Variants in SCAPER observed in about 807,000 individuals in gnomAD.
The protein encoded by SCAPER is S-phase cyclin A associated protein in the ER.
SCAPER carries 98 observed loss-of-function variants against 182.2 expected under a neutral mutation model. The observed-to-expected ratio is 0.54, with a 90% CI of 0.46 to 0.64. The LOEUF (loss-of-function observed/expected upper bound fraction) is 0.64, where lower values mean the gene tolerates loss of function less well. Among genes scored for constraint, SCAPER ranks in the 30% least tolerant of loss-of-function variants. The probability of loss-of-function intolerance (pLI) is 0.00; values close to 1 mark genes in which losing one functional copy is unlikely to be tolerated. For missense variants in SCAPER, 1,432 were observed against 1,690.0 expected, an observed-to-expected ratio of 0.85 and a Z score of 2.68; for synonymous variants, 605 against 564.6, an observed-to-expected ratio of 1.07 and a Z score of -1.01.
At chr15:76,446,885 A>G (rs1335338011) in intron 25 of SCAPER, among the ~76,000 whole-genome samples, 8 of 152,206 alleles carry the variant, frequency 5.3e-5, no homozygotes, top group Non-Finnish European at 1.2e-4. Flanking sequence ...CCATACTTCG[A>G]GTACCTATAC....
intron 23 of SCAPER, among the ~76,000 whole-genome samples, chr15:76,570,716 AC>A (rs1403525468): frequency 1.3e-5 from 2 of 152,096 alleles, no homozygotes; most frequent in Non-Finnish European, 2.9e-5. Context: ...CCCTATGGCT[AC>A]TTGTCCTTGT....
intron 24 of SCAPER, among the ~76,000 whole-genome samples, chr15:76,503,178 CTTTCT>C (rs2041294289): frequency 6.6e-6 from 1 of 152,130 alleles, no homozygotes; most frequent in African/African-American, 2.4e-5. Context: ...ATATCATTTC[CTTTCT>C]TATTTCAAAT....
chr15:76,698,970 C>G (rs279995), intron 20 of SCAPER, among the ~76,000 whole-genome samples: 148,751 of 152,308 alleles, frequency 0.98, 72,729 homozygotes, highest in South Asian at 1. Context: ...CATCTGTAGA[C>G]ATCTTTCACC....
chr15:76,717,227 C>T (rs571824026), intron 17 of SCAPER, among the ~76,000 whole-genome samples: 1 of 151,582 alleles, frequency 6.6e-6, no homozygotes, highest in South Asian at 2.1e-4. Flanking sequence ...ATAAAGTCTT[C>T]CCCAGACAAA....
At chr15:76,389,624 T>C (rs1434475111) in intron 27 of SCAPER, among the ~76,000 whole-genome samples, 1 of 147,586 alleles carries the variant, frequency 6.8e-6, no homozygotes, top group Middle Eastern at 3.6e-3. Flanking sequence ...CCATCCTGGC[T>C]AACACGGTGA....
chr15:76,404,453 C>A, intron 27 of SCAPER, 71 bp downstream of exon 27: 1 of 1,473,894 alleles, frequency 6.8e-7, no homozygotes, highest in South Asian at 1.4e-5. Context: ...TATGAAATGA[C>A]CCTAGAATGG....
At chr15:76,491,198 T>C (rs932523190) in intron 24 of SCAPER, among the ~76,000 whole-genome samples, 5 of 152,218 alleles carry the variant, frequency 3.3e-5, no homozygotes, top group Non-Finnish European at 7.3e-5. Context: ...GCCAGTACAA[T>C]ACTGTTTCAA....
chr15:76,489,904 T>C (rs1449222773), intron 24 of SCAPER, among the ~76,000 whole-genome samples: 2 of 152,182 alleles, frequency 1.3e-5, no homozygotes, highest in African/African-American at 4.8e-5. Flanking sequence ...TATTTGTCCT[T>C]GTGTGAATGG....
In SCAPER at chr15:76,773,369, T is replaced by C. The variant is rs141994413; in HGVS notation, c.1036-1415A>G. Reference sequence around the variant, plus strand: ...GTACAGATTATTCCTGAAATCTCAATAGCATATAGGTTTATTCACTACACA... The same window carrying C: ...GTACAGATTATTCCTGAAATCTCAACAGCATATAGGTTTATTCACTACACA... On this transcript the variant is annotated intron_variant, in intron 9 of 31. Transcript: ENST00000563290. Among the ~76,000 whole-genome samples the C allele has an allele frequency of 3.7e-4, 57 of 152,008 alleles. 1 individual carries two copies. Among genetic ancestry groups the C allele is most frequent in the African/African-American group, 1.3e-3 (56 of 41,556 alleles).
chr15:76,651,429 G>A (rs1344821942), intron 21 of SCAPER, among the ~76,000 whole-genome samples: 1 of 151,466 alleles, frequency 6.6e-6, no homozygotes, highest in East Asian at 1.9e-4. Flanking sequence ...TGATTGCTCT[G>A]GCTAGGACTT....
intron 26 of SCAPER, among the ~76,000 whole-genome samples, chr15:76,408,039 A>G (rs1263353682): frequency 1.3e-5 from 2 of 152,210 alleles, no homozygotes; most frequent in African/African-American, 4.8e-5. Context: ...ATATCATCAA[A>G]TAACTGGTGT....
chr15:76,588,796 TG>T (rs374626110), intron 22 of SCAPER, among the ~76,000 whole-genome samples: 6 of 152,212 alleles, frequency 3.9e-5, no homozygotes, highest in African/African-American at 1.4e-4. Flanking sequence ...GTGTGATTTT[TG>T]GGGGGGGTGT....
At chr15:76,524,012 C>G (rs1240194532) in intron 23 of SCAPER, among the ~76,000 whole-genome samples, 4 of 152,034 alleles carry the variant, frequency 2.6e-5, no homozygotes, top group African/African-American at 9.7e-5. Flanking sequence ...GTTTAAAGTT[C>G]CTTCAAAACA....
chr15:76,638,156 A>G lies in SCAPER; in HGVS notation c.2646-16327T>C, dbSNP rs1262582860. Among the ~76,000 whole-genome samples the G allele has an allele frequency of 2.6e-5, 4 of 152,074 alleles. No individual in the cohort carries two copies. In the East Asian group the frequency reaches 7.7e-4, roughly 29 times the overall value. On this transcript the variant is annotated intron_variant, in intron 21 of 31. Transcript: ENST00000563290. ...CATAATCTTAATTTTGATTTAATCC[A>G]ATTTATGTTTTTGTTGCTTGCCATT...
chr15:76,648,269 A>C (rs1261288955), intron 21 of SCAPER, among the ~76,000 whole-genome samples: 4 of 152,020 alleles, frequency 2.6e-5, no homozygotes, highest in Admixed American at 2.6e-4. Flanking sequence ...AAAATATAAC[A>C]CATGAAATAA....
At chr15:76,543,298 T>C (rs1325948036) in intron 23 of SCAPER, among the ~76,000 whole-genome samples, 2 of 152,224 alleles carry the variant, frequency 1.3e-5, no homozygotes, top group Non-Finnish European at 2.9e-5. Flanking sequence ...TGTGTTTTAG[T>C]ACAGTTTATA....
intron 25 of SCAPER, among the ~76,000 whole-genome samples, chr15:76,452,533 G>A (rs561021021): frequency 1.3e-5 from 2 of 152,318 alleles, no homozygotes; most frequent in South Asian, 4.1e-4. Flanking sequence ...TTTTAAATGT[G>A]TTTCAGTGAT....
rs777522408 is a variant in SCAPER at position 76,423,470 on chromosome 15, G to A, written c.3311+10608C>T. Reference sequence around the variant, plus strand: ...TCTGTGGGATCAGTGGTGATATCCCGTTCATCATTTTTTATTGTGTCTATT... The same window carrying A: ...TCTGTGGGATCAGTGGTGATATCCCATTCATCATTTTTTATTGTGTCTATT... On this transcript the variant is annotated intron_variant, in intron 26 of 31. Transcript: ENST00000563290. Among the ~76,000 whole-genome samples the A allele has an allele frequency of 4.3e-4, 66 of 152,074 alleles. 1 individual carries two copies. The highest frequency in any genetic ancestry group is 3.4e-3 in the Middle Eastern group (1 of 294).
intron 17 of SCAPER, among the ~76,000 whole-genome samples, chr15:76,727,153 C>T (rs1018318818): frequency 1.3e-5 from 2 of 151,946 alleles, no homozygotes; most frequent in South Asian, 4.1e-4. Context: ...TAGTAGCATG[C>T]TCATAAATTA....
Sources: gnomAD v4.1 joint callset for allele counts (sites outside exome capture counted in the v4.1 genomes callset) on GRCh38, gnomAD v4.1.1 for gene constraint, MANE v1.5 for transcripts, NCBI Gene and HGNC (gene_info 2026-07-23, HGNC 2026-07-21) for gene names.